The following WIPF2 variants were observed in gnomAD, a reference collection of about 807,000 sequenced individuals.
WIPF2 encodes the protein WAS/WASL-interacting protein family member 2.
In WIPF2, 23 loss-of-function variants were observed where a neutral mutation model predicts 38.8. The ratio of observed to expected loss-of-function variants is 0.59; its 90% CI spans 0.43 to 0.84. The LOEUF is 0.84. Ranked by LOEUF, WIPF2 falls within the 40% of genes least tolerant of loss-of-function variation. WIPF2 has a pLI of 0.00. For synonymous variants in WIPF2, 210 were observed against 223.2 expected, an observed-to-expected ratio of 0.94 and a Z score of 0.53; for missense variants, 574 against 580.5, an observed-to-expected ratio of 0.99 and a Z score of 0.11.
chr17:40,242,200 A>G (rs981280568), intron 1 of WIPF2, among the ~76,000 whole-genome samples: 1 of 152,144 alleles, frequency 6.6e-6, no homozygotes, highest in African/African-American at 2.4e-5. Flanking sequence ...CAACATAGTG[A>G]GATCCTGTCT....
At chr17:40,250,218 TG>T (rs58987547) in intron 1 of WIPF2, among the ~76,000 whole-genome samples, 2,155 of 133,764 alleles carry the variant, frequency 0.016, 160 homozygotes, top group African/African-American at 0.05. Context: ...AATTTTATCA[TG>T]TTTTTTTTTT....
At chr17:40,227,290 C>T (rs998871960) in intron 1 of WIPF2, among the ~76,000 whole-genome samples, 11 of 152,166 alleles carry the variant, frequency 7.2e-5, no homozygotes, top group Admixed American at 3.3e-4. Flanking sequence ...CTGCCTGCCT[C>T]GGCCTTCCAA....
intron 1 of WIPF2, among the ~76,000 whole-genome samples, chr17:40,238,079 A>G (rs1417390298): frequency 1.3e-5 from 2 of 150,658 alleles, no homozygotes; most frequent in African/African-American, 4.9e-5. Context: ...GAAAAAAAAA[A>G]AGCTCTTGAC....
intron 7 of WIPF2, among the ~76,000 whole-genome samples, chr17:40,277,723 CTT>C (rs528401568): frequency 3.3e-4 from 32 of 97,588 alleles, no homozygotes; most frequent in Non-Finnish European, 3.0e-4. Context: ...CTTCGTTGTC[CTT>C]TTTTTTTTTT....
At chr17:40,272,215 C>T (rs1164415606) in intron 5 of WIPF2, among the ~76,000 whole-genome samples, 2 of 152,042 alleles carry the variant, frequency 1.3e-5, no homozygotes, top group Non-Finnish European at 2.9e-5. Context: ...GACTGGGTTT[C>T]TCCATGTTGA....
intron 5 of WIPF2, among the ~76,000 whole-genome samples, chr17:40,271,397 C>A (rs1479696080): frequency 2.6e-5 from 4 of 152,014 alleles, no homozygotes; most frequent in African/African-American, 9.7e-5. Context: ...TAATCCCAGC[C>A]CTTTGCTGAG....
At chr17:40,256,116 AAAAG>A (rs1343331795) in intron 1 of WIPF2, among the ~76,000 whole-genome samples, 57 of 151,388 alleles carry the variant, frequency 3.8e-4, no homozygotes, top group Non-Finnish European at 7.8e-4. Flanking sequence ...AAAAAAAAAA[AAAAG>A]GACACAAGGC....
At chr17:40,243,627 C>G (rs2031265286) in intron 1 of WIPF2, among the ~76,000 whole-genome samples, 1 of 151,958 alleles carries the variant, frequency 6.6e-6, no homozygotes, top group African/African-American at 2.4e-5. Flanking sequence ...AATTCTCCTG[C>G]CTCAGCCTCC....
chr17:40,277,094 T>C lies in WIPF2; in HGVS notation c.1192T>C (p.Ser398Pro). ...TVRSFLDDFE[S>P]KYSFHPVEDF... ...TATTCTTTTCGCAGATGATTTTGAG[T>C]CAAAGTATTCCTTCCATCCAGTAGA... The change falls in exon 7 of 8, where the codon TCA becomes CCA. Residue 398 changes from serine (S) to proline (P), a missense_variant. Ser to Pro is a moderately conservative substitution (Grantham distance 74, BLOSUM62 -1). Transcript: ENST00000323571. The C allele has an allele frequency of 6.2e-7, 1 of 1,611,778 alleles. No individual in the cohort carries two copies. Among genetic ancestry groups the C allele is most frequent in the Non-Finnish European group, 8.5e-7 (1 of 1,178,932 alleles).
intron 1 of WIPF2, among the ~76,000 whole-genome samples, chr17:40,233,737 T>C (rs2030843149): frequency 6.6e-6 from 1 of 151,926 alleles, no homozygotes; most frequent in African/African-American, 2.4e-5. Context: ...GAGACCAGCC[T>C]GGCCAACATG....
chr17:40,250,227 T>TTTTTTG, intron 1 of WIPF2, among the ~76,000 whole-genome samples: 1 of 109,608 alleles, frequency 9.1e-6, no homozygotes, highest in African/African-American at 3.6e-5. Flanking sequence ...ATGTTTTTTT[T>TTTTTTG]TTTTTTTTTT....
chr17:40,262,070 CTTT>C lies in WIPF2; in HGVS notation c.197-453_197-451del, dbSNP rs1191548936. ...GCCTAGCTTTCCTTTCTTTTCTTTTCTTTTCTCTTTTTTTTTTTTTTTTTGAAA... is the reference window on the plus strand; with the variant it reads ...GCCTAGCTTTCCTTTCTTTTCTTTTCTCTCTTTTTTTTTTTTTTTTTGAAA... On this transcript the variant is annotated intron_variant, in intron 3 of 7. Transcript: ENST00000323571. Among the ~76,000 whole-genome samples, 679 of 123,414 alleles carry C rather than the reference CTTT, an allele frequency of 5.5e-3. 8 individuals carry two copies. The highest frequency in any genetic ancestry group is 0.021 in the African/African-American group (640 of 29,992). The allele number at this position is 123,414 out of a possible 152,430, so 81.0% of individuals were successfully genotyped here.
intron 1 of WIPF2, among the ~76,000 whole-genome samples, chr17:40,224,426 T>TG (rs397745408): frequency 6.1e-5 from 9 of 148,470 alleles, no homozygotes; most frequent in African/African-American, 2.0e-4. Flanking sequence ...TTTTTTTTTT[T>TG]GTAGTAGAGA....
At chr17:40,224,051 C>T (rs905733582) in intron 1 of WIPF2, among the ~76,000 whole-genome samples, 2 of 151,802 alleles carry the variant, frequency 1.3e-5, no homozygotes, top group African/African-American at 2.4e-5. Flanking sequence ...GGAAGAGTTG[C>T]AGGCTACAAA....
intron 1 of WIPF2, among the ~76,000 whole-genome samples, chr17:40,225,378 T>C (rs1036559423): frequency 2.0e-5 from 3 of 151,774 alleles, no homozygotes; most frequent in African/African-American, 4.8e-5. Context: ...ACAATGTTAA[T>C]AGGAAAAAAA....
At chr17:40,270,882 T>TTTTGTGTGTGTG (rs1555564307) in intron 5 of WIPF2, among the ~76,000 whole-genome samples, 8 of 150,476 alleles carry the variant, frequency 5.3e-5, no homozygotes, top group African/African-American at 2.0e-4. Flanking sequence ...TTGTGCCAGA[T>TTTTGTGTGTGTG]TGTGTGTGTG....
At chr17:40,227,290 C>A (rs998871960) in intron 1 of WIPF2, among the ~76,000 whole-genome samples, 3 of 152,048 alleles carry the variant, frequency 2.0e-5, no homozygotes, top group African/African-American at 7.2e-5. Context: ...CTGCCTGCCT[C>A]GGCCTTCCAA....
At chr17:40,235,944 T>C (rs1055776242) in intron 1 of WIPF2, among the ~76,000 whole-genome samples, 3 of 151,628 alleles carry the variant, frequency 2.0e-5, no homozygotes, top group African/African-American at 7.3e-5. Flanking sequence ...CACTTGGCAG[T>C]TTGACTGGAT....
At chr17:40,241,210 A>G (rs114352505) in intron 1 of WIPF2, among the ~76,000 whole-genome samples, 2,400 of 152,222 alleles carry the variant, frequency 0.016, 81 homozygotes, top group African/African-American at 0.055. Flanking sequence ...TCTCCTGGAA[A>G]ACTTCTGATT....
Sources: allele counts gnomAD v4.1 joint callset (sites outside exome capture counted in the v4.1 genomes callset), GRCh38; gene constraint gnomAD v4.1.1; transcripts MANE v1.5; gene names NCBI Gene and HGNC (gene_info 2026-07-23, HGNC 2026-07-21).